PPM1H: variants seen among roughly 807,000 people sequenced by gnomAD.
The protein encoded by PPM1H is protein phosphatase 1H.
A neutral mutation model predicts 54.9 loss-of-function variants in PPM1H; 27 were observed. That is an observed-to-expected ratio of 0.49 (90% CI 0.36 to 0.68). The LOEUF is 0.68. PPM1H is among the 30% of genes least tolerant of loss of function. The pLI, the probability that PPM1H is intolerant of heterozygous loss-of-function variation, is 0.00. For synonymous variants in PPM1H, 305 were observed against 270.8 expected, an observed-to-expected ratio of 1.13 and a Z score of -1.24; for missense variants, 596 against 667.8, an observed-to-expected ratio of 0.89 and a Z score of 1.19.
chr12:62,824,140 C>T (rs764438797), intron 2 of PPM1H, among the ~76,000 whole-genome samples: 193 of 152,086 alleles, frequency 1.3e-3, no homozygotes, highest in Non-Finnish European at 2.3e-3. Context: ...TGAGTGAACT[C>T]CCATTCACAA....
intron 4 of PPM1H, among the ~76,000 whole-genome samples, chr12:62,768,440 G>A (rs370536762): frequency 6.6e-6 from 1 of 152,164 alleles, no homozygotes; most frequent in East Asian, 1.9e-4. Context: ...CGGATCATGA[G>A]GTCAGGACTT....
chr12:62,692,081 A>G (rs1185873247), intron 7 of PPM1H, among the ~76,000 whole-genome samples: 1 of 152,208 alleles, frequency 6.6e-6, no homozygotes, highest in Non-Finnish European at 1.5e-5. Context: ...ATCTGAAGAA[A>G]GAAAATGAGA....
rs556508672 is a variant in PPM1H, at chr12:62,904,137, C to T, written c.245+30355G>A. On this transcript the variant is annotated intron_variant, in intron 1 of 9. Coordinates refer to ENST00000228705, the MANE Select transcript of PPM1H (RefSeq NM_020700.2). ...GGGAACCGAGATACCATTGAAGAAGCCTTCAAAAAGGCTACATTACATAAA... is the reference window on the plus strand; with the variant it reads ...GGGAACCGAGATACCATTGAAGAAGTCTTCAAAAAGGCTACATTACATAAA... 4.6e-5 allele frequency among the ~76,000 whole-genome samples: 7 copies of T among 152,064 alleles called. No homozygotes were observed. The East Asian group carries it at 1.2e-3, about 25-fold the overall frequency.
At chr12:62,699,530 A>G (rs2076132250) in intron 6 of PPM1H, among the ~76,000 whole-genome samples, 1 of 152,242 alleles carries the variant, frequency 6.6e-6, no homozygotes, top group Non-Finnish European at 1.5e-5. Flanking sequence ...CAGATGGTAT[A>G]AAGCTCGGCA....
intron 8 of PPM1H, among the ~76,000 whole-genome samples, chr12:62,682,102 T>C (rs1223186119): frequency 3.9e-5 from 6 of 152,268 alleles, no homozygotes; most frequent in Non-Finnish European, 7.3e-5. Flanking sequence ...CCATATTATA[T>C]GGCCTCCAGG....
rs376808541 is a variant in PPM1H, at chr12:62,816,471, A to G, written c.412-14311T>C. Among the ~76,000 whole-genome samples, 212 of 152,352 alleles carry G rather than the reference A, an allele frequency of 1.4e-3. 2 individuals carry two copies. Among genetic ancestry groups the G allele is most frequent in the African/African-American group, 4.3e-3 (179 of 41,584 alleles). The stretch of plus-strand genomic sequence containing the variant: ...TTTAGCAACCCCATGGAGAAATAAG[A>G]CTACCTTCAGACTATGTGTGTAAGC... On this transcript the variant is annotated intron_variant, in intron 2 of 9. Transcript: ENST00000228705.
At chr12:62,895,398 C>T (rs1870949797) in intron 1 of PPM1H, among the ~76,000 whole-genome samples, 2 of 152,122 alleles carry the variant, frequency 1.3e-5, no homozygotes, top group South Asian at 4.1e-4. Flanking sequence ...CCTATAAGTG[C>T]CTATGTTTGA....
chr12:62,773,295 G>A (rs2076590065), intron 4 of PPM1H, among the ~76,000 whole-genome samples: 1 of 152,000 alleles, frequency 6.6e-6, no homozygotes, highest in Admixed American at 6.6e-5. Flanking sequence ...AGTGATGTAG[G>A]GAGAACCATC....
chr12:62,670,118 C>G (rs1052235569), intron 8 of PPM1H, among the ~76,000 whole-genome samples: 2 of 151,470 alleles, frequency 1.3e-5, no homozygotes, highest in Non-Finnish European at 2.9e-5. Context: ...GCTGGGATTA[C>G]AGGCATGTGC....
chr12:62,761,058 G>A (rs575213765), intron 4 of PPM1H, among the ~76,000 whole-genome samples: 124 of 152,220 alleles, frequency 8.1e-4, no homozygotes, highest in Non-Finnish European at 1.5e-3. Context: ...AAGGAATTCT[G>A]TTTCATGCAG....
chr12:62,933,073 G>T (rs1382157789), intron 1 of PPM1H, among the ~76,000 whole-genome samples: 1 of 152,016 alleles, frequency 6.6e-6, no homozygotes, highest in East Asian at 1.9e-4. Flanking sequence ...AAGTTACAAT[G>T]CTATTTTGTA....
intron 1 of PPM1H, among the ~76,000 whole-genome samples, chr12:62,896,004 G>A (rs1374898913): frequency 1.3e-5 from 2 of 152,082 alleles, no homozygotes; most frequent in Non-Finnish European, 2.9e-5. Context: ...CCCTATAGGT[G>A]ATTCTGATAC....
chr12:62,863,841 C>T (rs1479779361), intron 1 of PPM1H, among the ~76,000 whole-genome samples: 1 of 152,200 alleles, frequency 6.6e-6, no homozygotes, highest in East Asian at 1.9e-4. Context: ...CCCAATTTGT[C>T]AGCAGAATTC....
chr12:62,665,927 C>T (rs2075915481), intron 9 of PPM1H, among the ~76,000 whole-genome samples: 1 of 152,032 alleles, frequency 6.6e-6, no homozygotes, highest in Non-Finnish European at 1.5e-5. Flanking sequence ...TGGGGTTTCA[C>T]CATGTTTCCC....
At chr12:62,770,418 T>G (rs2076571771) in intron 4 of PPM1H, among the ~76,000 whole-genome samples, 1 of 152,176 alleles carries the variant, frequency 6.6e-6, no homozygotes, top group Non-Finnish European at 1.5e-5. Context: ...AGCTTTTGTT[T>G]CTCCAGAATC....
At chr12:62,651,780 C>G (rs1395773089) in intron 9 of PPM1H, among the ~76,000 whole-genome samples, 4 of 152,232 alleles carry the variant, frequency 2.6e-5, no homozygotes, top group African/African-American at 9.6e-5. Context: ...CTCTACTAAT[C>G]TGTCCTCTTA....
At chr12:62,719,036 G>A (rs911656702) in intron 6 of PPM1H, among the ~76,000 whole-genome samples, 2 of 152,202 alleles carry the variant, frequency 1.3e-5, no homozygotes, top group African/African-American at 2.4e-5. Context: ...AGTAGATGGG[G>A]TAGGCAGAAT....
intron 4 of PPM1H, among the ~76,000 whole-genome samples, chr12:62,763,492 G>T (rs1371163642): frequency 6.6e-6 from 1 of 152,224 alleles, no homozygotes; most frequent in Non-Finnish European, 1.5e-5. Flanking sequence ...GAGACTAATT[G>T]TTCACAACTT....
chr12:62,705,832 G>A (rs2076170290), intron 6 of PPM1H, among the ~76,000 whole-genome samples: 1 of 152,166 alleles, frequency 6.6e-6, no homozygotes, highest in African/African-American at 2.4e-5. Flanking sequence ...TACTGTATGA[G>A]ATCAAGTCAA....
Sources: allele counts gnomAD v4.1 joint callset (sites outside exome capture counted in the v4.1 genomes callset), GRCh38; gene constraint gnomAD v4.1.1; transcripts MANE v1.5; gene names NCBI Gene and HGNC (gene_info 2026-07-23, HGNC 2026-07-21).